The following CALY variants were observed in gnomAD, a reference collection of about 807,000 sequenced individuals.
CALY encodes calcyon neuron specific vesicular protein.
Under a neutral mutation model 20.2 loss-of-function variants are expected in CALY, and 15 were observed. The ratio of observed to expected loss-of-function variants is 0.74; its 90% CI spans 0.50 to 1.14. The LOEUF (loss-of-function observed/expected upper bound fraction) is 1.14, where lower values mean the gene tolerates loss of function less well. CALY is among the 50% of genes most tolerant of loss of function. CALY has a pLI of 0.00. For missense variants in CALY, 270 were observed against 304.4 expected (o/e 0.89, Z 0.84); for synonymous variants, 129 against 131.8 (o/e 0.98, Z 0.15).
At chr10:133,326,603 G>A (rs1428829158) in intron 4 of CALY, among the ~76,000 whole-genome samples, 1 of 152,142 alleles carries the variant, frequency 6.6e-6, no homozygotes, top group Non-Finnish European at 1.5e-5. Flanking sequence ...TCACTCAGGA[G>A]GACAGATGAC....
At chr10:133,329,771 T>C (rs1372999028) in intron 1 of CALY, among the ~76,000 whole-genome samples, 2 of 152,344 alleles carry the variant, frequency 1.3e-5, no homozygotes, top group African/African-American at 4.8e-5. Flanking sequence ...TAAATTTGAA[T>C]TTCAAATAAG....
chr10:133,327,345 T>A (rs1447715224), intron 3 of CALY: 1 of 489,136 alleles, frequency 2.0e-6, no homozygotes, highest in East Asian at 3.4e-5. Flanking sequence ...GAGGCTGCAC[T>A]CACCAGGCCT....
intron 2 of CALY, among the ~76,000 whole-genome samples, chr10:133,328,455 T>C (rs1301876342): frequency 6.6e-6 from 1 of 152,214 alleles, no homozygotes; most frequent in African/African-American, 2.4e-5. Flanking sequence ...AGCTCTTTGC[T>C]TCTCCCCAGT....
chr10:133,335,939 TC>T (rs1256112424), intron 1 of CALY, among the ~76,000 whole-genome samples: 3 of 152,066 alleles, frequency 2.0e-5, no homozygotes, highest in Non-Finnish European at 2.9e-5. Context: ...GGGTGCAGGC[TC>T]TCAGTCGAAA....
In CALY at chr10:133,331,853, G is replaced by T. The variant is rs74385336; in HGVS notation, c.-20-2844C>A. Among the ~76,000 whole-genome samples the T allele has an allele frequency of 5.2e-3, 787 of 152,316 alleles. 3 individuals carry two copies. Among genetic ancestry groups the T allele is most frequent in the Non-Finnish European group, 6.7e-3 (457 of 68,028 alleles). ...CTTGGAAAAGAACATGGATTGCCAG[G>T]CACAGTGGCTCACGCCTGTAGTCCC... On this transcript the variant is annotated intron_variant, in intron 1 of 5. Transcript: ENST00000252939.
At position 133,326,034 on chromosome 10, in the gene CALY, C is replaced by G; in HGVS notation, c.447G>C (p.Gly149=). 6.3e-7 allele frequency: 1 copy of G among 1,591,026 alleles called. No individual in the cohort carries two copies. The highest frequency in any genetic ancestry group is 8.6e-7 in the Non-Finnish European group (1 of 1,169,108). The change falls in exon 5 of 6, where the codon GGG becomes GGC. Residue 149 remains glycine (G), a synonymous_variant. Transcript: ENST00000252939. The part of the protein sequence containing the change: ...ERHRSILAAI[G]AYPLSRKHGT... ...CGTGCTTGCGGCTCAGCGGGTAGGC[C>G]CCGATGGCCGCCAGGATGCTGCGGT...
intron 1 of CALY, among the ~76,000 whole-genome samples, chr10:133,335,734 T>C (rs1321740478): frequency 1.3e-5 from 2 of 152,164 alleles, no homozygotes; most frequent in Admixed American, 1.3e-4. Flanking sequence ...CTGCTTCTCC[T>C]CCCGGCCCCT....
intron 1 of CALY, among the ~76,000 whole-genome samples, chr10:133,329,409 C>G (rs1189151128): frequency 9.7e-6 from 1 of 103,526 alleles, no homozygotes; most frequent in Admixed American, 1.0e-4. Context: ...TTTTTTGAGA[C>G]AGGATCTTGT....
chr10:133,324,311 C>T lies in CALY; in HGVS notation c.*1284G>A, dbSNP rs574314811. On this transcript the variant is annotated 3_prime_UTR_variant, in exon 6 of 6. Coordinates refer to ENST00000252939, the MANE Select transcript of CALY (RefSeq NM_015722.4). Reference sequence around the variant, plus strand: ...CTGGCTGGCTTCCAGCTCACCATGGCTTCCCTGGCAGGCCCAGTTCACAGG... The same window carrying T: ...CTGGCTGGCTTCCAGCTCACCATGGTTTCCCTGGCAGGCCCAGTTCACAGG... 2.2e-6 allele frequency: 1 copy of T among 455,504 alleles called. No individual in the cohort carries two copies. Among genetic ancestry groups the T allele is most frequent in the African/African-American group, 2.0e-5 (1 of 50,172 alleles). 28.2% of individuals were successfully genotyped at this position (455,504 alleles called of 1,614,324 possible). A position where few individuals can be genotyped will look rare whatever the true frequency, so the allele number is the denominator to read the frequency against.
intron 3 of CALY, chr10:133,327,687 T>A: frequency 1.6e-6 from 1 of 644,042 alleles, no homozygotes; most frequent in Non-Finnish European, 2.8e-6. Context: ...GGAGCGCCAC[T>A]GTTTGGTCAG....
chr10:133,327,595 G>A (rs1253804017), intron 3 of CALY: 3 of 592,502 alleles, frequency 5.1e-6, no homozygotes, highest in African/African-American at 1.9e-5. Context: ...AAGCCCGTAA[G>A]TCACTGAAGA....
rs1046782536 is a variant in CALY at position 133,325,982 on chromosome 10, C to T, written c.499G>A (p.Asp167Asn). ...TCCTCCTTGGCTGCGCGGTAGCCGT[C>T]CCCCCAGGCCGCCGGCGTCTCCGTG... ...HGTETPAAWG[D>N]GYRAAKEERK... The change falls in exon 5 of 6, where the codon GAC (aspartate) becomes AAC (asparagine). Residue 167 changes from aspartate (D) to asparagine (N), a missense_variant. Physicochemically the swap from Asp to Asn is conservative, Grantham distance 23. Coordinates refer to ENST00000252939, the MANE Select transcript of CALY (RefSeq NM_015722.4). 1.9e-6 allele frequency: 3 copies of T among 1,550,772 alleles called. No homozygotes were observed. The highest frequency in any genetic ancestry group is 1.4e-5 in the African/African-American group (1 of 72,974).
Position 133,325,877 on chromosome 10 carries a change from CCTT to C in CALY, c.601_603del (p.Lys201del), listed in dbSNP as rs923954743. 2.4e-6 allele frequency: 3 copies of C among 1,253,168 alleles called. No individual in the cohort carries two copies. In the African/African-American group the frequency reaches 4.7e-5, roughly 20 times the overall value. The allele number at this position is 1,253,168 out of a possible 1,614,324, so 77.6% of individuals were successfully genotyped here. A position where few individuals can be genotyped will look rare whatever the true frequency, so the allele number is the denominator to read the frequency against. On this transcript the variant is annotated inframe_deletion, in exon 5 of 6. Transcript: ENST00000252939. ...CTCCCGGCCGCCTTCCGCGCCGCCT[CCTT>C]CTCCGCCTTGGCCGACGGCTTCCCG...
At chr10:133,326,385 G>A (rs999980165) in intron 4 of CALY, 6 of 912,710 alleles carry the variant, frequency 6.6e-6, no homozygotes, top group Non-Finnish European at 7.0e-6. Context: ...AGGACTCTGC[G>A]GAGCGCGCTC....
intron 1 of CALY, among the ~76,000 whole-genome samples, chr10:133,335,000 C>T (rs34420344): frequency 0.15 from 23,361 of 152,204 alleles, 2,221 homozygotes; most frequent in African/African-American, 0.25. Flanking sequence ...CGAGGTTTCA[C>T]GGTGCAGCCA....
At chr10:133,336,574 C>G (rs61085336) in intron 1 of CALY, among the ~76,000 whole-genome samples, 1 of 152,198 alleles carries the variant, frequency 6.6e-6, no homozygotes, top group African/African-American at 2.4e-5. Context: ...CCACCGCCCT[C>G]GGGTCCGCGG....
At position 133,332,019 on chromosome 10, in the gene CALY, C is replaced by T. The variant is rs184345903; in HGVS notation, c.-20-3010G>A. Among the ~76,000 whole-genome samples, 143 of 152,016 alleles carry T rather than the reference C, an allele frequency of 9.4e-4. 1 individual carries two copies. Among genetic ancestry groups the T allele is most frequent in the Admixed American group, 7.5e-3 (114 of 15,252 alleles). On this transcript the variant is annotated intron_variant, in intron 1 of 5. Transcript: ENST00000252939. Reference sequence around the variant, plus strand: ...GTACACGCCTATAATCCCAGAATCTCGGGAGGCTGAGGCAGGAGAATCCCT... The same window carrying T: ...GTACACGCCTATAATCCCAGAATCTTGGGAGGCTGAGGCAGGAGAATCCCT...
intron 1 of CALY, among the ~76,000 whole-genome samples, chr10:133,336,237 T>A (rs985049646): frequency 6.6e-6 from 1 of 151,880 alleles, no homozygotes; most frequent in Non-Finnish European, 1.5e-5. Flanking sequence ...GCGCAGCTGC[T>A]CCCGCTTCCA....
intron 1 of CALY, among the ~76,000 whole-genome samples, chr10:133,336,480 T>C (rs976758550): frequency 6.6e-6 from 1 of 151,536 alleles, no homozygotes; most frequent in East Asian, 2.0e-4. Flanking sequence ...CTGGGACTGG[T>C]ACCCCCTCCC....
Sources: allele counts gnomAD v4.1 joint callset (sites outside exome capture counted in the v4.1 genomes callset), GRCh38; gene constraint gnomAD v4.1.1; transcripts MANE v1.5; gene names NCBI Gene and HGNC (gene_info 2026-07-23, HGNC 2026-07-21).